The following SREBF1 variants were observed in gnomAD, a reference collection of about 807,000 sequenced individuals.
SREBF1 encodes sterol regulatory element-binding protein 1.
SREBF1 carries 45 observed loss-of-function variants against 100.1 expected under a neutral mutation model. That is an observed-to-expected ratio of 0.45 (90% CI 0.35 to 0.58). The LOEUF (loss-of-function observed/expected upper bound fraction) is 0.58, where lower values mean the gene tolerates loss of function less well. Among genes scored for constraint, SREBF1 ranks in the 20% least tolerant of loss-of-function variants. SREBF1 has a pLI of 0.00. For synonymous variants in SREBF1, 657 were observed against 681.8 expected (o/e 0.96, Z 0.57); for missense variants, 1,324 against 1,539.4 (o/e 0.86, Z 2.34).
intron 1 of SREBF1, among the ~76,000 whole-genome samples, chr17:17,821,188 C>T (rs1838258167): frequency 6.6e-6 from 1 of 151,958 alleles, no homozygotes; most frequent in Non-Finnish European, 1.5e-5. Context: ...CACACTGCAC[C>T]GTGGACTCAG....
At position 17,819,050 on chromosome 17, in the gene SREBF1, A is replaced by G. The variant is rs546370621; in HGVS notation, c.1031T>C (p.Ile344Thr). The change falls in exon 5 of 19, where the codon ATT becomes ACT. Residue 344 changes from isoleucine (I) to threonine (T), a missense_variant. Transcript: ENST00000261646. ...GCCCACCACCAGATCCTTGAGCTCAATGATTTTGTCATTGATGGAGGAGCG... is the reference window on the plus strand; with the variant it reads ...GCCCACCACCAGATCCTTGAGCTCAGTGATTTTGTCATTGATGGAGGAGCG... The part of the protein sequence containing the change: ...RYRSSINDKI[I>T]ELKDLVVGTE... The G allele has an allele frequency of 1.9e-6, 3 of 1,613,904 alleles. No homozygotes were observed. The highest frequency in any genetic ancestry group is 2.2e-5 in the East Asian group (1 of 44,878).
intron 12 of SREBF1, chr17:17,815,566 A>G (rs2033470481): frequency 1.7e-6 from 1 of 593,978 alleles, no homozygotes; most frequent in Middle Eastern, 4.4e-4. Flanking sequence ...CCAAAGGAAA[A>G]CCGACTTGAG....
chr17:17,811,703 TC>T lies in SREBF1; in HGVS notation c.*918del, dbSNP rs1331182957. The T allele has an allele frequency of 2.2e-6, 1 of 454,452 alleles. No individual in the cohort carries two copies. The highest frequency in any genetic ancestry group is 1.6e-5 in the South Asian group (1 of 64,382). 28.2% of individuals were successfully genotyped at this position (454,452 alleles called of 1,614,324 possible). On this transcript the variant is annotated 3_prime_UTR_variant, in exon 19 of 19. Coordinates refer to ENST00000261646, the MANE Select transcript of SREBF1 (RefSeq NM_004176.5). ...TGGGGGAGGTGAGACGTGCCAGACT[TC>T]TTGCAGGGAGACCCAAGCTGTAGCT...
rs2032851977 is a variant in SREBF1, at chr17:17,811,620, G to C, written c.*1002C>G. 2.3e-6 allele frequency: 1 copy of C among 428,522 alleles called. No individual in the cohort carries two copies. Among genetic ancestry groups the C allele is most frequent in the African/African-American group, 2.1e-5 (1 of 47,442 alleles). 26.5% of individuals were successfully genotyped at this position (428,522 alleles called of 1,614,324 possible). A position where few individuals can be genotyped will look rare whatever the true frequency, so the allele number is the denominator to read the frequency against. On this transcript the variant is annotated 3_prime_UTR_variant, in exon 19 of 19. Transcript: ENST00000261646. Reference sequence around the variant, plus strand: ...CCCGCCCCTGTGCCCCCTCTCCAGTGTGGCGGCAGGTCGGGAGGGAGGAGG... The same window carrying C: ...CCCGCCCCTGTGCCCCCTCTCCAGTCTGGCGGCAGGTCGGGAGGGAGGAGG...
rs760427795 is a variant in SREBF1 at position 17,818,226 on chromosome 17, G to A, written c.1183+34C>T. On this transcript the variant is annotated intron_variant, in intron 6 of 18. Transcript: ENST00000261646. ...GGAGGTGGAGCAAGGCTAGAGAAGAGGCCAGACTGGAGCTCAATAAAGCCA... is the reference window on the plus strand; with the variant it reads ...GGAGGTGGAGCAAGGCTAGAGAAGAAGCCAGACTGGAGCTCAATAAAGCCA... 1.9e-6 allele frequency: 3 copies of A among 1,577,668 alleles called. No homozygotes were observed. The South Asian group carries it at 3.3e-5, about 17-fold the overall frequency.
At chr17:17,813,117 CAAG>C in intron 18 of SREBF1, 3 of 603,690 alleles carry the variant, frequency 5.0e-6, no homozygotes, top group Non-Finnish European at 5.9e-6. Flanking sequence ...AGGTAACCAT[CAAG>C]AAGATGCTTG....
At chr17:17,819,761 C>T in intron 2 of SREBF1, 36 bp from the exon 3 acceptor site, 2 of 1,549,894 alleles carry the variant, frequency 1.3e-6, no homozygotes, top group Non-Finnish European at 1.7e-6. Context: ...AGACACAGAC[C>T]TCCCTCTCCC....
At position 17,818,308 on chromosome 17, in the gene SREBF1, T is replaced by G. The variant is rs561242170; in HGVS notation, c.1135A>C (p.Lys379Gln). ...AGACTTAGGTTCTCCTGCTTGAGTTTCTGGTTGCTGTGTTGCAGAAAGCGA... is the reference window on the plus strand; with the variant it reads ...AGACTTAGGTTCTCCTGCTTGAGTTGCTGGTTGCTGTGTTGCAGAAAGCGA... ...YIRFLQHSNQKLKQENLSLRT... is the reference protein window; with the variant it reads ...YIRFLQHSNQQLKQENLSLRT... Residue 379 changes from lysine (K) to glutamine (Q), a missense_variant, in exon 6 of 19, where the codon AAA becomes CAA. Physicochemically the swap from Lys to Gln is moderately conservative, Grantham distance 53 (BLOSUM62 1). Coordinates refer to ENST00000261646, the MANE Select transcript of SREBF1 (RefSeq NM_004176.5). The G allele has an allele frequency of 4.3e-6, 7 of 1,613,958 alleles. No homozygotes were observed. In the South Asian group the frequency reaches 7.7e-5, roughly 18 times the overall value.
At chr17:17,829,205 A>AAAAAAAAAATATAT (rs1210718799) in intron 1 of SREBF1, among the ~76,000 whole-genome samples, 1 of 65,848 alleles carries the variant, frequency 1.5e-5, no homozygotes, top group African/African-American at 8.8e-5. Context: ...AAAAAAAAAA[A>AAAAAAAAAATATAT]ATATATATAT....
At chr17:17,821,621 G>T (rs938023186) in intron 1 of SREBF1, among the ~76,000 whole-genome samples, 1 of 152,210 alleles carries the variant, frequency 6.6e-6, no homozygotes, top group African/African-American at 2.4e-5. Flanking sequence ...ACAGGGGGAA[G>T]AGGGGTGCAG....
In SREBF1 at chr17:17,813,590, G is replaced by A; in HGVS notation, c.3081C>T (p.Ser1027=). ...DLSSLRRLAQ[S]FRPAMRRVFL... The stretch of plus-strand genomic sequence containing the variant: ...TCACCCTCCGCATGGCGGGCCGGAA[G>A]CTCTGTGCCAGCCGCCTCAGGCTGC... Residue 1027 remains serine, a synonymous_variant, in exon 17 of 19, where the codon AGC becomes AGT. Transcript: ENST00000261646. 6.3e-7 allele frequency: 1 copy of A among 1,594,338 alleles called. No individual in the cohort carries two copies. The highest frequency in any genetic ancestry group is 1.1e-5 in the South Asian group (1 of 89,236).
chr17:17,818,064 GCA>G (rs2033780044), intron 6 of SREBF1, 148 bp from the exon 7 acceptor site: 1 of 919,460 alleles, frequency 1.1e-6, no homozygotes, highest in South Asian at 1.4e-5. Flanking sequence ...CCAAAGGGAG[GCA>G]CCAGGTCTCT....
At chr17:17,829,205 A>AAAAAAAAAAAAATATATAT (rs1210718799) in intron 1 of SREBF1, among the ~76,000 whole-genome samples, 1 of 65,850 alleles carries the variant, frequency 1.5e-5, no homozygotes, top group African/African-American at 8.8e-5. Context: ...AAAAAAAAAA[A>AAAAAAAAAAAAATATATAT]ATATATATAT....
At chr17:17,818,190 G>T (rs1198776129) in intron 6 of SREBF1, 70 bp downstream of exon 6, 13 of 1,346,914 alleles carry the variant, frequency 9.7e-6, no homozygotes, top group Non-Finnish European at 1.4e-5. Flanking sequence ...GCTAGGGATG[G>T]GGTGGGGCCG....
At position 17,813,434 on chromosome 17, in the gene SREBF1, G is replaced by A. The variant is rs773550293; in HGVS notation, c.3148C>T (p.Pro1050Ser). 6.2e-7 allele frequency: 1 copy of A among 1,601,178 alleles called. No individual in the cohort carries two copies. Among genetic ancestry groups the A allele is most frequent in the Non-Finnish European group, 8.5e-7 (1 of 1,175,196 alleles). ...TCGAGGAGCTGGTGTGTCCGTGTGGGGCTGGCCCCCGCCATCAGCCGGGCC... is the reference window on the plus strand; with the variant it reads ...TCGAGGAGCTGGTGTGTCCGTGTGGAGCTGGCCCCCGCCATCAGCCGGGCC... ...ATARLMAGASPTRTHQLLDRS... is the reference protein window; with the variant it reads ...ATARLMAGASSTRTHQLLDRS... The change falls in exon 18 of 19, where the codon CCC becomes TCC. Residue 1050 changes from proline (P) to serine (S), a missense_variant. Coordinates refer to ENST00000261646, the MANE Select transcript of SREBF1 (RefSeq NM_004176.5).
At chr17:17,825,430 G>T (rs2034426500) in intron 1 of SREBF1, among the ~76,000 whole-genome samples, 1 of 152,036 alleles carries the variant, frequency 6.6e-6, no homozygotes, top group Non-Finnish European at 1.5e-5. Flanking sequence ...AAGAGGAGGG[G>T]GTGTGACCTG....
chr17:17,813,188 C>T (rs903951398), intron 18 of SREBF1, 180 bp downstream of exon 18: 2 of 687,472 alleles, frequency 2.9e-6, no homozygotes. Context: ...ACTGCGGCCT[C>T]CAACTCCTGG....
At chr17:17,835,202 T>G (rs1340918072) in intron 1 of SREBF1, among the ~76,000 whole-genome samples, 1 of 152,132 alleles carries the variant, frequency 6.6e-6, no homozygotes, top group East Asian at 1.9e-4. Context: ...TTGGTCACGT[T>G]GCCTCTTGGG....
chr17:17,823,685 G>A, intron 1 of SREBF1: 1 of 852,244 alleles, frequency 1.2e-6, no homozygotes, highest in Non-Finnish European at 1.5e-6. Context: ...CCCCAGCCCC[G>A]CCCCAGCCCC....
Sources: gnomAD v4.1 joint callset for allele counts (sites outside exome capture counted in the v4.1 genomes callset) on GRCh38, gnomAD v4.1.1 for gene constraint, MANE v1.5 for transcripts, NCBI Gene and HGNC (gene_info 2026-07-23, HGNC 2026-07-21) for gene names.